Variants in ZFHX3 observed in about 807,000 individuals in gnomAD.
The protein encoded by ZFHX3 is zinc finger homeobox protein 3.
ZFHX3 carries 42 observed loss-of-function variants against 279.1 expected under a neutral mutation model. The observed-to-expected ratio is 0.15, with a 90% CI of 0.12 to 0.19. ZFHX3 has a LOEUF of 0.19. Ranked by LOEUF, ZFHX3 falls within the 10% of genes least tolerant of loss-of-function variation. ZFHX3 has a pLI of 1.00. For missense variants in ZFHX3, 4,981 were observed against 4,754.0 expected (o/e 1.05, Z -1.40); for synonymous variants, 2,293 against 1,957.8 (o/e 1.17, Z -4.52).
Position 73,723,336 on chromosome 16 carries a change from T to A in ZFHX3, c.-1607-43096A>T, listed in dbSNP as rs562179724. Among the ~76,000 whole-genome samples, 48 of 152,344 alleles carry A rather than the reference T, an allele frequency of 3.2e-4. 1 individual carries two copies. The South Asian group carries it at 9.7e-3, about 31-fold the overall frequency. On this transcript the variant is annotated intron_variant, in intron 1 of 17. Coordinates refer to the ZFHX3 transcript ENST00000641206. ...CAGAAGGTAGATTCTTCAGCTATAA[T>A]GATATTGATTCCAGTGCTGTTCAGA... is the stretch of plus-strand genomic sequence containing the variant.
intron 2 of ZFHX3, among the ~76,000 whole-genome samples, chr16:73,644,375 T>C (rs1457549396): frequency 6.6e-6 from 1 of 152,048 alleles, no homozygotes; most frequent in Non-Finnish European, 1.5e-5. Context: ...AGCAGCAGTT[T>C]CCAGCTGGGC....
chr16:72,998,412 ATAC>A (rs1963369176), intron 1 of ZFHX3, among the ~76,000 whole-genome samples: 2 of 152,198 alleles, frequency 1.3e-5, no homozygotes, highest in African/African-American at 2.4e-5. Flanking sequence ...AAAAATAATA[ATAC>A]TAATAAGGGG....
intron 3 of ZFHX3, among the ~76,000 whole-genome samples, chr16:72,941,810 T>G (rs1301819228): frequency 2.0e-5 from 3 of 152,250 alleles, no homozygotes; most frequent in Non-Finnish European, 4.4e-5. Flanking sequence ...AGTATTTCTA[T>G]GAGTGACAGA....
rs1464317365 is a variant in ZFHX3, at chr16:72,784,726, A to G, written c.*2438T>C. On this transcript the variant is annotated 3_prime_UTR_variant, in exon 10 of 10. Transcript: ENST00000268489. ...TTTGCGTACTTGCTTTTGACACCTT[A>G]TGCTACAACTGGATACTGGTATGAA... 6.6e-6 allele frequency: 1 copy of G among 152,586 alleles called. No homozygotes were observed. Among genetic ancestry groups the G allele is most frequent in the Non-Finnish European group, 1.5e-5 (1 of 68,024 alleles). 9.5% of individuals were successfully genotyped at this position (152,586 alleles called of 1,614,324 possible). A position where few individuals can be genotyped will look rare whatever the true frequency, so the allele number is the denominator to read the frequency against.
At chr16:73,223,483 T>C (rs1391709918) in intron 5 of ZFHX3, among the ~76,000 whole-genome samples, 1 of 152,152 alleles carries the variant, frequency 6.6e-6, no homozygotes, top group East Asian at 1.9e-4. Context: ...CCATGTCATA[T>C]ATCATCAAGA....
intron 3 of ZFHX3, among the ~76,000 whole-genome samples, chr16:72,910,567 A>T (rs1490421899): frequency 6.6e-6 from 1 of 152,190 alleles, no homozygotes; most frequent in African/African-American, 2.4e-5. Flanking sequence ...TCTCATAAGC[A>T]CCTTGAGACA....
At chr16:73,685,606 C>T (rs1381588592) in intron 1 of ZFHX3, among the ~76,000 whole-genome samples, 1 of 152,196 alleles carries the variant, frequency 6.6e-6, no homozygotes, top group African/African-American at 2.4e-5. Context: ...TTTAAGCCAC[C>T]AAGTTTGCGG....
chr16:73,504,473 T>C (rs534298801), intron 2 of ZFHX3: 11 of 152,208 alleles, frequency 7.2e-5, no homozygotes, highest in African/African-American at 2.6e-4. Context: ...CAGCCAAATA[T>C]GGAGTGTGTG....
rs1220352812 is a variant in ZFHX3, at chr16:73,812,320, G to A, written c.-1608+79331C>T. ...CGCTTTGGGTGTTCTCTCTGCTCCT[G>A]ATATCCTTCCTCTGTCCTCCTGGCA... On this transcript the variant is annotated intron_variant, in intron 1 of 17. Coordinates refer to the ZFHX3 transcript ENST00000641206. Among the ~76,000 whole-genome samples, 3 of 152,170 alleles carry A rather than the reference G, an allele frequency of 2.0e-5. 1 individual carries two copies. Among genetic ancestry groups the A allele is most frequent in the East Asian group, 1.9e-4 (1 of 5,192 alleles).
chr16:73,194,600 G>A (rs901985626), intron 5 of ZFHX3, among the ~76,000 whole-genome samples: 3 of 152,128 alleles, frequency 2.0e-5, no homozygotes, highest in African/African-American at 4.8e-5. Flanking sequence ...TTATGGTTAC[G>A]TCAACTAGAG....
chr16:73,687,859 A>AAAC (rs1480667070), intron 1 of ZFHX3, among the ~76,000 whole-genome samples: 1 of 150,880 alleles, frequency 6.6e-6, no homozygotes, highest in African/African-American at 2.4e-5. Flanking sequence ...AAAAAAAAAA[A>AAAC]AAAAAAAAAA....
chr16:73,470,696 T>A (rs929438672), intron 2 of ZFHX3, among the ~76,000 whole-genome samples: 2 of 152,186 alleles, frequency 1.3e-5, no homozygotes, highest in African/African-American at 4.8e-5. Flanking sequence ...AAATTCCACT[T>A]TCAACAGATA....
At chr16:73,469,243 A>T (rs1325844738) in intron 2 of ZFHX3, among the ~76,000 whole-genome samples, 1 of 152,166 alleles carries the variant, frequency 6.6e-6, no homozygotes, top group Non-Finnish European at 1.5e-5. Context: ...AGAACAAGCA[A>T]CAAAAGCTGG....
chr16:73,543,556 G>A (rs2020054576), intron 2 of ZFHX3, among the ~76,000 whole-genome samples: 2 of 152,182 alleles, frequency 1.3e-5, no homozygotes, highest in African/African-American at 4.8e-5. Flanking sequence ...AAAGGGAGCA[G>A]CTGGGAATCC....
At chr16:73,229,221 G>A (rs537576286) in intron 5 of ZFHX3, among the ~76,000 whole-genome samples, 2 of 152,228 alleles carry the variant, frequency 1.3e-5, no homozygotes, top group African/African-American at 4.8e-5. Flanking sequence ...AACAAACTGG[G>A]GATTCTGTCT....
At chr16:73,492,012 T>C (rs2019064116) in intron 2 of ZFHX3, among the ~76,000 whole-genome samples, 1 of 152,238 alleles carries the variant, frequency 6.6e-6, no homozygotes. Flanking sequence ...TTCAGCTGCA[T>C]ATTCTTGCTT....
intron 5 of ZFHX3, among the ~76,000 whole-genome samples, chr16:73,254,585 C>T (rs1286034063): frequency 1.3e-5 from 2 of 151,924 alleles, no homozygotes; most frequent in Non-Finnish European, 2.9e-5. Context: ...ATACTCTTCA[C>T]CCAGCTTCCT....
At chr16:73,748,734 G>C (rs1280689675) in intron 1 of ZFHX3, among the ~76,000 whole-genome samples, 4 of 152,284 alleles carry the variant, frequency 2.6e-5, no homozygotes, top group African/African-American at 9.6e-5. Context: ...AAATGGAAGT[G>C]TCTTTGCCTA....
chr16:72,849,542 C>T (rs1029508879), intron 4 of ZFHX3, among the ~76,000 whole-genome samples: 2 of 152,184 alleles, frequency 1.3e-5, no homozygotes, highest in Non-Finnish European at 2.9e-5. Flanking sequence ...CCACTCATGG[C>T]ACTAACCAGT....
Sources: gnomAD v4.1 joint callset for allele counts (sites outside exome capture counted in the v4.1 genomes callset) on GRCh38, gnomAD v4.1.1 for gene constraint, MANE v1.5 for transcripts, NCBI Gene and HGNC (gene_info 2026-07-23, HGNC 2026-07-21) for gene names.